NCOA1: variants seen among roughly 807,000 people sequenced by gnomAD.
NCOA1 encodes the protein nuclear receptor coactivator 1, also known as Hin-2 protein.
In NCOA1, 35 loss-of-function variants were observed where a neutral mutation model predicts 150.9. The ratio of observed to expected loss-of-function variants is 0.23; its 90% CI spans 0.18 to 0.31. NCOA1 has a LOEUF of 0.31. Among genes scored for constraint, NCOA1 ranks in the 10% least tolerant of loss-of-function variants. The pLI, the probability that NCOA1 is intolerant of heterozygous loss-of-function variation, is 1.00. For synonymous variants in NCOA1, 590 were observed against 630.0 expected, an observed-to-expected ratio of 0.94 and a Z score of 0.95; for missense variants, 1,491 against 1,749.3, an observed-to-expected ratio of 0.85 and a Z score of 2.63.
At chr2:24,641,534 A>G (rs1035896468) in intron 3 of NCOA1, among the ~76,000 whole-genome samples, 13 of 152,088 alleles carry the variant, frequency 8.5e-5, no homozygotes, top group East Asian at 5.8e-4. Context: ...TTTCTTATAT[A>G]TTAATCTTAA....
chr2:24,510,342 C>T (rs1199017932), intron 1 of NCOA1, among the ~76,000 whole-genome samples: 2 of 152,028 alleles, frequency 1.3e-5, no homozygotes, highest in South Asian at 4.1e-4. Flanking sequence ...CCACCACGCC[C>T]GGCTGCACTT....
chr2:24,692,380 A>G (rs573985125), intron 9 of NCOA1, among the ~76,000 whole-genome samples: 2 of 152,252 alleles, frequency 1.3e-5, no homozygotes, highest in Non-Finnish European at 2.9e-5. Flanking sequence ...ACTTGATTAA[A>G]GTTCATTTTT....
intron 4 of NCOA1, among the ~76,000 whole-genome samples, chr2:24,653,559 T>A (rs1057094154): frequency 5.9e-5 from 9 of 152,334 alleles, no homozygotes; most frequent in Middle Eastern, 3.4e-3. Context: ...ATCACCTATT[T>A]ATTTAGTTTC....
intron 1 of NCOA1, among the ~76,000 whole-genome samples, chr2:24,550,448 A>C (rs567107385): frequency 2.0e-5 from 3 of 152,310 alleles, no homozygotes; most frequent in African/African-American, 7.2e-5. Flanking sequence ...TCTTACATGG[A>C]TGGCAGCAGG....
chr2:24,553,634 G>A (rs1665957160), intron 1 of NCOA1, among the ~76,000 whole-genome samples: 1 of 152,112 alleles, frequency 6.6e-6, no homozygotes, highest in Non-Finnish European at 1.5e-5. Flanking sequence ...GCATTCTTGG[G>A]ATAAATGGCA....
At chr2:24,733,841 G>T (rs1663147997) in intron 17 of NCOA1, among the ~76,000 whole-genome samples, 1 of 151,890 alleles carries the variant, frequency 6.6e-6, no homozygotes, top group Non-Finnish European at 1.5e-5. Flanking sequence ...TTAGATAAAA[G>T]AACAAGAAAC....
intron 3 of NCOA1, among the ~76,000 whole-genome samples, chr2:24,618,745 G>GTTTT (rs60329176): frequency 4.2e-4 from 62 of 148,734 alleles, no homozygotes; most frequent in Non-Finnish European, 6.3e-4. Context: ...CAGTTCATTG[G>GTTTT]TTTTTTTTTT....
chr2:24,521,080 C>A (rs1412558065), intron 1 of NCOA1, among the ~76,000 whole-genome samples: 1 of 152,026 alleles, frequency 6.6e-6, no homozygotes, highest in African/African-American at 2.4e-5. Flanking sequence ...CCTTGAGTAT[C>A]AAGGAAGTCT....
intron 15 of NCOA1, among the ~76,000 whole-genome samples, chr2:24,728,104 A>C (rs1471441090): frequency 6.6e-6 from 1 of 152,246 alleles, no homozygotes; most frequent in Non-Finnish European, 1.5e-5. Flanking sequence ...GACTGACAAA[A>C]GAATGAAAAC....
chr2:24,768,677 G>A lies in NCOA1; in HGVS notation c.*286G>A. 4.2e-6 allele frequency: 1 copy of A among 236,578 alleles called. No individual in the cohort carries two copies. The allele number at this position is 236,578 out of a possible 1,614,324, so 14.7% of individuals were successfully genotyped here. ...GCCAAATTTAATTATTCTTATTTTT[G>A]TAATCAGTCATTGGCTTCTTATCTG... On this transcript the variant is annotated 3_prime_UTR_variant, in exon 23 of 23. Coordinates refer to ENST00000348332, the MANE Select transcript of NCOA1 (RefSeq NM_003743.5).
chr2:24,758,122 A>T lies in NCOA1; in HGVS notation c.4031A>T (p.Gln1344Leu), dbSNP rs1664593858. The T allele has an allele frequency of 6.2e-7, 1 of 1,613,954 alleles. No individual in the cohort carries two copies. Among genetic ancestry groups the T allele is most frequent in the Admixed American group, 1.7e-5 (1 of 59,988 alleles). The part of the protein sequence containing the change: ...MMAQMQMSSL[Q>L]MPGMNTVCPE... Reference sequence around the variant, plus strand: ...GCCCAGATGCAGATGAGCTCTTTGCAGATGCCAGGAATGAACACTGTGTGC... The same window carrying T: ...GCCCAGATGCAGATGAGCTCTTTGCTGATGCCAGGAATGAACACTGTGTGC... Residue 1344 changes from glutamine (Q) to leucine (L), a missense_variant, in exon 21 of 23, where the codon CAG becomes CTG. Transcript: ENST00000348332.
At chr2:24,681,488 GTCACGACATTTTCAGTA>G (rs1672167882) in intron 7 of NCOA1, among the ~76,000 whole-genome samples, 1 of 148,888 alleles carries the variant, frequency 6.7e-6, no homozygotes, top group Non-Finnish European at 1.5e-5. Context: ...CATTTTCAGT[GTCACGACATTTTCAGTA>G]TCACGTCATT....
At chr2:24,671,063 A>G (rs935246110) in intron 6 of NCOA1, among the ~76,000 whole-genome samples, 3 of 152,184 alleles carry the variant, frequency 2.0e-5, no homozygotes, top group Non-Finnish European at 4.4e-5. Context: ...AAACTGTGAC[A>G]TGTGTACAAA....
chr2:24,581,290 G>A (rs1667183748), intron 2 of NCOA1, among the ~76,000 whole-genome samples: 1 of 152,206 alleles, frequency 6.6e-6, no homozygotes. Context: ...CACTGACACT[G>A]TGGAAAAGGA....
In NCOA1 at chr2:24,516,995, C is replaced by CGTATATATAT. The variant is rs1664222942; in HGVS notation, c.-396+25393_-396+25394insGTATATATAT. On this transcript the variant is annotated intron_variant, in intron 1 of 22. Coordinates refer to ENST00000348332, the MANE Select transcript of NCOA1 (RefSeq NM_003743.5). ...ATATACACATATACGTATATATATA[C>CGTATATATAT]ACACGCGCGCACACACACACACACA... is the stretch of plus-strand genomic sequence containing the variant. Among the ~76,000 whole-genome samples the CGTATATATAT allele has an allele frequency of 3.3e-4, 7 of 21,092 alleles. 1 individual carries two copies. The South Asian group carries it at 6.3e-3, about 19-fold the overall frequency. 13.8% of individuals were successfully genotyped at this position (21,092 alleles called of 152,430 possible).
chr2:24,647,132 T>C (rs1045273169), intron 4 of NCOA1, among the ~76,000 whole-genome samples: 2 of 152,180 alleles, frequency 1.3e-5, no homozygotes, highest in Non-Finnish European at 2.9e-5. Flanking sequence ...AGTTTTTAGA[T>C]GTGGTATATT....
At chr2:24,531,668 C>T (rs567498998) in intron 1 of NCOA1, among the ~76,000 whole-genome samples, 24 of 152,294 alleles carry the variant, frequency 1.6e-4, no homozygotes, top group African/African-American at 4.1e-4. Flanking sequence ...CAAGTGTTCT[C>T]ATTGTTCAGT....
intron 17 of NCOA1, among the ~76,000 whole-genome samples, chr2:24,735,070 ACT>A (rs1663226234): frequency 6.6e-6 from 1 of 152,168 alleles, no homozygotes; most frequent in African/African-American, 2.4e-5. Flanking sequence ...ACAAAAATAA[ACT>A]CTAAGTGTTT....
At chr2:24,509,987 A>G (rs1663865455) in intron 1 of NCOA1, among the ~76,000 whole-genome samples, 1 of 152,250 alleles carries the variant, frequency 6.6e-6, no homozygotes, top group Non-Finnish European at 1.5e-5. Context: ...TGTGTGACAG[A>G]CTAAGAAAGA....
Sources: gnomAD v4.1 joint callset for allele counts (sites outside exome capture counted in the v4.1 genomes callset) on GRCh38, gnomAD v4.1.1 for gene constraint, MANE v1.5 for transcripts, NCBI Gene and HGNC (gene_info 2026-07-23, HGNC 2026-07-21) for gene names.